Variants in ANKRD28 observed in about 807,000 individuals in gnomAD.
The protein encoded by ANKRD28 is ankyrin repeat domain 28, also known as serine/threonine-protein phosphatase 6 regulatory ankyrin repeat subunit A.
Under a neutral mutation model 126.5 loss-of-function variants are expected in ANKRD28, and 44 were observed. That is an observed-to-expected ratio of 0.35 (90% CI 0.27 to 0.45). The LOEUF is 0.45. Ranked by LOEUF, ANKRD28 falls within the 20% of genes least tolerant of loss-of-function variation. The pLI is 1.00. For synonymous variants in ANKRD28, 442 were observed against 468.5 expected (o/e 0.94, Z 0.73); for missense variants, 1,110 against 1,316.6 (o/e 0.84, Z 2.43).
intron 1 of ANKRD28, among the ~76,000 whole-genome samples, chr3:15,841,575 A>G (rs149005428): frequency 2.0e-5 from 3 of 152,312 alleles, no homozygotes; most frequent in Non-Finnish European, 4.4e-5. Flanking sequence ...GCTCAAACAA[A>G]TGTACAGAAA....
In ANKRD28 at chr3:15,839,271, CTG is replaced by C. The variant is rs1001634707; in HGVS notation, c.27+20104_27+20105del. On this transcript the variant is annotated intron_variant, in intron 1 of 27. Transcript: ENST00000399451. The surrounding 1 kb of genome is among the most constrained non-coding windows in gnomAD (Gnocchi z 4.3). ...GGTATATAAATTATACCTCAATAAA[CTG>C]TTAAAAAAAAAACACACTGATCTAA... Among the ~76,000 whole-genome samples, 2 of 151,692 alleles carry C rather than the reference CTG, an allele frequency of 1.3e-5. No homozygotes were observed. The highest frequency in any genetic ancestry group is 6.6e-5 in the Admixed American group (1 of 15,258).
chr3:15,756,115 C>A (rs946849596), intron 3 of ANKRD28, among the ~76,000 whole-genome samples: 3 of 152,204 alleles, frequency 2.0e-5, no homozygotes, highest in Non-Finnish European at 4.4e-5. Context: ...ACCAACTGAA[C>A]TTTCCCTTCA....
At chr3:15,709,248 T>TA (rs1284108250) in intron 13 of ANKRD28, among the ~76,000 whole-genome samples, 1 of 152,172 alleles carries the variant, frequency 6.6e-6, no homozygotes, top group African/African-American at 2.4e-5. Flanking sequence ...TCCTCCCTCT[T>TA]ACTACTGCTC....
intron 1 of ANKRD28, among the ~76,000 whole-genome samples, chr3:15,827,769 A>G (rs2061099398): frequency 1.3e-5 from 2 of 152,230 alleles, no homozygotes. Flanking sequence ...ACTTTTATGC[A>G]GAGAAGGATA....
chr3:15,847,262 G>GA (rs2061550176), intron 1 of ANKRD28, among the ~76,000 whole-genome samples: 1 of 152,156 alleles, frequency 6.6e-6, no homozygotes, highest in Non-Finnish European at 1.5e-5. Context: ...AAAAAGTGAT[G>GA]AAAAAATTAA....
At chr3:15,694,637 G>C (rs2069272912) in intron 17 of ANKRD28, 102 bp downstream of exon 17, 1 of 898,408 alleles carries the variant, frequency 1.1e-6, no homozygotes, top group Non-Finnish European at 1.7e-6. Flanking sequence ...ACTATTACAT[G>C]GACCAAAAGT....
chr3:15,797,970 C>G lies in ANKRD28; in HGVS notation c.-1449G>C. 14 of 985,336 alleles carry G rather than the reference C, an allele frequency of 1.4e-5. No individual in the cohort carries two copies. Among genetic ancestry groups the G allele is most frequent in the Non-Finnish European group, 1.7e-5 (14 of 829,890 alleles). 61.0% of individuals were successfully genotyped at this position (985,336 alleles called of 1,614,324 possible). ...TAGTAATGCTCACATGTTACACTTA[C>G]CAGAGATCTGAGCTACTTCTCGGGA... is the stretch of plus-strand genomic sequence containing the variant. On this transcript the variant is annotated 5_prime_UTR_variant, in exon 1 of 28. Coordinates refer to ENST00000683139, the MANE Select transcript of ANKRD28 (RefSeq NM_001349278.2).
Position 15,830,225 on chromosome 3 carries a change from A to C in ANKRD28, c.27+29152T>G, listed in dbSNP as rs908160777. 1.3e-5 allele frequency among the ~76,000 whole-genome samples: 2 copies of C among 152,156 alleles called. No individual in the cohort carries two copies. Among genetic ancestry groups the C allele is most frequent in the Non-Finnish European group, 2.9e-5 (2 of 68,028 alleles). ...AATGTCGAAGTAAAAAACGCATATAACATTTTATTATTATGATAACAGTTT... is the reference window on the plus strand; with the variant it reads ...AATGTCGAAGTAAAAAACGCATATACCATTTTATTATTATGATAACAGTTT... On this transcript the variant is annotated intron_variant, in intron 1 of 27. Transcript: ENST00000399451. The surrounding 1 kb of genome is among the most constrained non-coding windows in gnomAD (Gnocchi z 4.5).
In ANKRD28 at chr3:15,838,341, A is replaced by G. The variant is rs1268462042; in HGVS notation, c.27+21036T>C. Among the ~76,000 whole-genome samples the G allele has an allele frequency of 3.3e-5, 5 of 152,236 alleles. No individual in the cohort carries two copies. The South Asian group carries it at 6.2e-4, about 19-fold the overall frequency. On this transcript the variant is annotated intron_variant, in intron 1 of 27. Transcript: ENST00000399451. This position sits in a 1 kb window ranked among gnomAD's most constrained non-coding sequence, Gnocchi z 4.0. ...AGAGATTTTTTTTAATCCTAACAAA[A>G]TATCAGCAAACCAAATCCAGCAGCA...
intron 1 of ANKRD28, among the ~76,000 whole-genome samples, chr3:15,818,705 G>A (rs965896758): frequency 1.3e-5 from 2 of 152,108 alleles, no homozygotes; most frequent in Non-Finnish European, 2.9e-5. Flanking sequence ...AATATTTTTG[G>A]ACCATAATTG....
chr3:15,789,964 A>C (rs1000485910), intron 2 of ANKRD28, among the ~76,000 whole-genome samples: 1 of 152,106 alleles, frequency 6.6e-6, no homozygotes, highest in African/African-American at 2.4e-5. Context: ...ACTTACACAG[A>C]CATTATGACT....
At chr3:15,798,783 T>C (rs2060386097), upstream of ANKRD28, among the ~76,000 whole-genome samples, 1 of 152,096 alleles carries the variant, frequency 6.6e-6, no homozygotes, top group Non-Finnish European at 1.5e-5. Flanking sequence ...TTTTTCTTCT[T>C]TCTCTGTTTA....
chr3:15,713,751 C>G (rs542961485), intron 9 of ANKRD28, 110 bp from the exon 10 acceptor site: 4 of 561,414 alleles, frequency 7.1e-6, no homozygotes, highest in African/African-American at 1.9e-5. Context: ...ATAGATACAG[C>G]AATTTTAACT....
intron 8 of ANKRD28, among the ~76,000 whole-genome samples, chr3:15,719,587 T>C (rs1043245479): frequency 1.3e-5 from 2 of 152,232 alleles, no homozygotes; most frequent in Non-Finnish European, 2.9e-5. Context: ...TTCATTCATT[T>C]GAGGCAAGGT....
intron 1 of ANKRD28, among the ~76,000 whole-genome samples, chr3:15,835,523 C>T (rs1314904561): frequency 3.9e-5 from 6 of 152,198 alleles, no homozygotes; most frequent in Non-Finnish European, 8.8e-5. Context: ...ACATTTAGAA[C>T]TCATCTTTGA....
At chr3:15,796,284 C>T (rs139551972) in intron 1 of ANKRD28, 121 bp downstream of exon 1, 41 of 462,392 alleles carry the variant, frequency 8.9e-5, no homozygotes, top group South Asian at 4.5e-4. Context: ...TATCTACACA[C>T]GTATTGCTTT....
chr3:15,855,364 A>T (rs796452798), intron 1 of ANKRD28, among the ~76,000 whole-genome samples: 5 of 152,058 alleles, frequency 3.3e-5, no homozygotes, highest in African/African-American at 9.6e-5. Flanking sequence ...AAAAAAACCC[A>T]ACACCTTAAA....
intron 2 of ANKRD28, among the ~76,000 whole-genome samples, chr3:15,782,803 C>A (rs56394036): frequency 0.037 from 5,584 of 152,124 alleles, 162 homozygotes; most frequent in Non-Finnish European, 0.052. Flanking sequence ...GAGTGGGAAC[C>A]TGGGCGAGAA....
chr3:15,705,500 T>G (rs984090824), intron 14 of ANKRD28, among the ~76,000 whole-genome samples: 3 of 152,160 alleles, frequency 2.0e-5, no homozygotes, highest in African/African-American at 7.2e-5. Context: ...CTACAGATGG[T>G]GATAAAAGGT....
Sources: allele counts gnomAD v4.1 joint callset (sites outside exome capture counted in the v4.1 genomes callset), GRCh38; gene constraint gnomAD v4.1.1; non-coding constraint Gnocchi (gnomAD v3.1); transcripts MANE v1.5; gene names NCBI Gene and HGNC (gene_info 2026-07-23, HGNC 2026-07-21).